LMO7: variants seen among roughly 807,000 people sequenced by gnomAD.
The protein encoded by LMO7 is LIM domain 7.
Under a neutral mutation model 206.5 loss-of-function variants are expected in LMO7, and 120 were observed. The ratio of observed to expected loss-of-function variants is 0.58; its 90% CI spans 0.50 to 0.68. The LOEUF (loss-of-function observed/expected upper bound fraction) is 0.68. LMO7 is among the 30% of genes least tolerant of loss of function. The probability of loss-of-function intolerance (pLI) is 0.00; values close to 1 mark genes in which losing one functional copy is unlikely to be tolerated. For synonymous variants in LMO7, 706 were observed against 681.5 expected, an observed-to-expected ratio of 1.04 and a Z score of -0.56; for missense variants, 1,959 against 1,957.9, an observed-to-expected ratio of 1.00 and a Z score of -0.01.
intron 1 of LMO7, among the ~76,000 whole-genome samples, chr13:75,686,277 G>C (rs2040982631): frequency 1.3e-5 from 2 of 152,126 alleles, no homozygotes. Flanking sequence ...AAGGTGAAAG[G>C]CATGTTTACC....
At chr13:75,807,448 A>G in intron 9 of LMO7, 32 bp from the exon 10 acceptor site, 2 of 1,602,688 alleles carry the variant, frequency 1.2e-6, no homozygotes, top group Non-Finnish European at 1.7e-6. Context: ...GCTTAATAAG[A>G]TTCTCTTTCC....
intron 11 of LMO7, among the ~76,000 whole-genome samples, chr13:75,812,105 G>T (rs948588365): frequency 6.6e-6 from 1 of 152,174 alleles, no homozygotes; most frequent in African/African-American, 2.4e-5. Context: ...CATTGGGTGG[G>T]TGGGGGTGTG....
intron 9 of LMO7, chr13:75,805,988 T>C (rs1484624453): frequency 1.8e-6 from 2 of 1,139,512 alleles, no homozygotes; most frequent in African/African-American, 3.2e-5. Context: ...GCATTATTTT[T>C]AGTAGTTCTG....
At chr13:75,795,985 T>A (rs2053957288) in intron 5 of LMO7, among the ~76,000 whole-genome samples, 1 of 152,198 alleles carries the variant, frequency 6.6e-6, no homozygotes, top group Admixed American at 6.5e-5. Context: ...AAATTAAATT[T>A]AAAAACATAT....
intron 19 of LMO7, among the ~76,000 whole-genome samples, chr13:75,836,664 G>A (rs2059154105): frequency 6.6e-6 from 1 of 152,214 alleles, no homozygotes; most frequent in Non-Finnish European, 1.5e-5. Flanking sequence ...TGCAAACAAA[G>A]CTTTGGCAGC....
Position 75,807,450 on chromosome 13 carries a change from T to G in LMO7, c.1197-30T>G, listed in dbSNP as rs753451257. On this transcript the variant is annotated intron_variant, in intron 9 of 30. Transcript: ENST00000377534. ...CTTTTCTCCCTAAGCTTAATAAGAT[T>G]CTCTTTCCTTTTTCCTCTCTGTGCA... The G allele has an allele frequency of 1.9e-6, 3 of 1,603,886 alleles. No homozygotes were observed. In the African/African-American group the frequency reaches 4.0e-5, roughly 22 times the overall value.
intron 2 of LMO7, chr13:75,627,836 A>G (rs2034413110): frequency 6.6e-6 from 1 of 152,076 alleles, no homozygotes; most frequent in African/African-American, 2.4e-5. Flanking sequence ...TCTCACTGCT[A>G]TCACTTAGAG....
chr13:75,648,055 C>T (rs2037212884), intron 1 of LMO7, among the ~76,000 whole-genome samples: 1 of 148,022 alleles, frequency 6.8e-6, no homozygotes, highest in South Asian at 2.2e-4. Context: ...TCAACTGATC[C>T]TCCTGTCTGA....
At chr13:75,737,772 T>G (rs148801901) in intron 3 of LMO7, among the ~76,000 whole-genome samples, 5 of 5,814 alleles carry the variant, frequency 8.6e-4, no homozygotes, top group East Asian at 8.1e-3. Context: ...AAAAATAAAA[T>G]AAAATAAAAT....
chr13:75,806,340 C>T, intron 9 of LMO7: 1 of 723,842 alleles, frequency 1.4e-6, no homozygotes, highest in Non-Finnish European at 1.7e-6. Context: ...GCTCCATTAG[C>T]CTGGGACCTG....
At position 75,761,025 on chromosome 13, in the gene LMO7, C is replaced by G. The variant is rs759055579; in HGVS notation, c.304C>G (p.Arg102Gly). The change falls in exon 4 of 31, where the codon CGA becomes GGA. Residue 102 changes from arginine to glycine, a missense_variant. Arg to Gly is a moderately radical substitution (Grantham distance 125). Transcript: ENST00000377534. The stretch of plus-strand genomic sequence containing the variant: ...TGGAGATCTACAGGATTTATCAAAT[C>G]GAGTCACTGTCAAGTAAGTTTCAAC... ...HPGDLQDLSN[R>G]VTVKQEETDR... is the part of the protein sequence containing the mutation. The G allele has an allele frequency of 6.2e-7, 1 of 1,608,748 alleles. No individual in the cohort carries two copies. Among genetic ancestry groups the G allele is most frequent in the East Asian group, 2.2e-5 (1 of 44,800 alleles).
chr13:75,746,996 A>T (rs2046893433), intron 3 of LMO7, among the ~76,000 whole-genome samples: 1 of 152,020 alleles, frequency 6.6e-6, no homozygotes, highest in Non-Finnish European at 1.5e-5. Flanking sequence ...ATGGGGTGAA[A>T]ACCTGGCAAA....
intron 4 of LMO7, among the ~76,000 whole-genome samples, chr13:75,781,897 A>T (rs940485608): frequency 8.6e-5 from 13 of 152,040 alleles, no homozygotes; most frequent in Non-Finnish European, 1.3e-4. Context: ...GCATTTTTTC[A>T]TGTGTTTTTT....
At chr13:75,718,178 A>G (rs953266041) in intron 2 of LMO7, among the ~76,000 whole-genome samples, 1 of 152,224 alleles carries the variant, frequency 6.6e-6, no homozygotes, top group Non-Finnish European at 1.5e-5. Context: ...TAGCAAAAAC[A>G]TGATTTTTTG....
chr13:75,769,286 A>G (rs1041559460), intron 4 of LMO7, among the ~76,000 whole-genome samples: 3 of 151,876 alleles, frequency 2.0e-5, no homozygotes, highest in Non-Finnish European at 4.4e-5. Context: ...CCTGGGTGGC[A>G]TTGGTTGTTG....
upstream of LMO7, among the ~76,000 whole-genome samples, chr13:75,634,803 C>T (rs2328957): frequency 3.3e-5 from 5 of 151,104 alleles, no homozygotes; most frequent in African/African-American, 1.2e-4. Context: ...GAGGTCAGTT[C>T]GAGACCAGCC....
At chr13:75,658,521 T>A (rs2038261972) in intron 1 of LMO7, among the ~76,000 whole-genome samples, 1 of 152,144 alleles carries the variant, frequency 6.6e-6, no homozygotes, top group Admixed American at 6.5e-5. Flanking sequence ...TTTATCATAT[T>A]AAATCTAGGA....
chr13:75,756,172 T>G (rs1481811928), intron 3 of LMO7, among the ~76,000 whole-genome samples: 1 of 152,162 alleles, frequency 6.6e-6, no homozygotes, highest in African/African-American at 2.4e-5. Flanking sequence ...TCTAAGCACC[T>G]TAAGGATATT....
At chr13:75,737,228 G>A (rs2045900562) in intron 3 of LMO7, among the ~76,000 whole-genome samples, 1 of 152,098 alleles carries the variant, frequency 6.6e-6, no homozygotes, top group African/African-American at 2.4e-5. Context: ...GGATTGGAGT[G>A]ATGCATCTAC....
Sources: gnomAD v4.1 joint callset for allele counts (sites outside exome capture counted in the v4.1 genomes callset) on GRCh38, gnomAD v4.1.1 for gene constraint, MANE v1.5 for transcripts, NCBI Gene and HGNC (gene_info 2026-07-23, HGNC 2026-07-21) for gene names.